The following SRRM3 variants were observed in gnomAD, a reference collection of about 807,000 sequenced individuals.
The protein encoded by SRRM3 is serine/arginine repetitive matrix 3.
In SRRM3, 27 loss-of-function variants were observed where a neutral mutation model predicts 66.2. The observed-to-expected ratio is 0.41, with a 90% CI of 0.30 to 0.56. The LOEUF (loss-of-function observed/expected upper bound fraction) is 0.56. SRRM3 is among the 20% of genes least tolerant of loss of function. The pLI is 0.32. For synonymous variants in SRRM3, 391 were observed against 414.9 expected (o/e 0.94, Z 0.70); for missense variants, 918 against 991.9 (o/e 0.93, Z 1.00).
At chr7:76,248,406 G>C in intron 3 of SRRM3, 117 bp downstream of exon 3, 1 of 686,084 alleles carries the variant, frequency 1.5e-6, no homozygotes, top group Admixed American at 2.5e-5. Flanking sequence ...TGAGGGGGTG[G>C]AGAGGAAGAA....
In SRRM3 at chr7:76,285,269, G is replaced by T; in HGVS notation, c.1734-346G>T. On this transcript the variant is annotated intron_variant, in intron 14 of 14. Transcript: ENST00000611745. The surrounding 1 kb of genome is among the most constrained non-coding windows in gnomAD (Gnocchi z 4.1). ...AGTAGAGACAGGGTTTCATTATGTT[G>T]GCCAGACTGGTCTCAAACTTCTGAC... 1 of 279,918 alleles carries T rather than the reference G, an allele frequency of 3.6e-6. No homozygotes were observed. The highest frequency in any genetic ancestry group is 6.9e-6 in the Non-Finnish European group (1 of 145,278). 17.3% of individuals were successfully genotyped at this position (279,918 alleles called of 1,614,324 possible).
chr7:76,273,909 C>T (rs1171918079), intron 11 of SRRM3, among the ~76,000 whole-genome samples: 2 of 152,194 alleles, frequency 1.3e-5, no homozygotes, highest in Non-Finnish European at 2.9e-5. Flanking sequence ...CTGACTTCCA[C>T]CCCTAAATCC....
intron 3 of SRRM3, among the ~76,000 whole-genome samples, chr7:76,252,033 C>A (rs899819324): frequency 1.3e-5 from 2 of 152,066 alleles, no homozygotes; most frequent in African/African-American, 4.8e-5. Flanking sequence ...ATCACGCAAC[C>A]ACACTACAGC....
In SRRM3 at chr7:76,275,589, G is replaced by T. The variant is rs530567706; in HGVS notation, c.1009-5852G>T. ...GTTGAAGCCCCATGAGGAAGAGGAG[G>T]GTCCGTCCTTGAGGAGTTTCTGATA... On this transcript the variant is annotated intron_variant, in intron 11 of 14. Transcript: ENST00000611745. Among the ~76,000 whole-genome samples the T allele has an allele frequency of 3.9e-5, 6 of 152,134 alleles. No homozygotes were observed. The South Asian group carries it at 1.2e-3, about 32-fold the overall frequency.
chr7:76,267,165 C>G, intron 10 of SRRM3, 93 bp from the exon 11 acceptor site: 4 of 1,219,420 alleles, frequency 3.3e-6, no homozygotes, highest in Non-Finnish European at 3.3e-6. Context: ...CTCTCTTTCC[C>G]CGTGCTGGGG....
chr7:76,273,859 T>C (rs1013010793), intron 11 of SRRM3, among the ~76,000 whole-genome samples: 3 of 152,184 alleles, frequency 2.0e-5, no homozygotes, highest in Admixed American at 2.0e-4. Flanking sequence ...TCTCCCCTCC[T>C]TCTTCACCTT....
intron 5 of SRRM3, 40 bp downstream of exon 5, chr7:76,260,237 G>A (rs782387452): frequency 5.4e-5 from 79 of 1,473,618 alleles, no homozygotes; most frequent in Non-Finnish European, 6.4e-5. Context: ...GGGAGGAGGA[G>A]GTGGGGTCTC....
chr7:76,221,357 C>CTATTTTTTT (rs1800712749), intron 1 of SRRM3, among the ~76,000 whole-genome samples: 1 of 117,806 alleles, frequency 8.5e-6, no homozygotes, highest in African/African-American at 4.3e-5. Flanking sequence ...GCCTGCCCTC[C>CTATTTTTTT]TCTTTTTTTT....
intron 10 of SRRM3, among the ~76,000 whole-genome samples, chr7:76,266,572 CATTTATATATTATATA>C (rs1280641849): frequency 1.9e-4 from 20 of 103,580 alleles, no homozygotes; most frequent in African/African-American, 7.7e-4. Context: ...AATATATAAA[CATTTATATATTATATA>C]TTTTATATAT....
Position 76,275,497 on chromosome 7 carries a change from C to CAAAAA in SRRM3, c.1009-5928_1009-5924dup, listed in dbSNP as rs35985626. Among the ~76,000 whole-genome samples the CAAAAA allele has an allele frequency of 5.3e-4, 37 of 70,456 alleles. 1 individual carries two copies. The highest frequency in any genetic ancestry group is 7.7e-4 in the Non-Finnish European group (25 of 32,480). The allele number at this position is 70,456 out of a possible 152,430, so 46.2% of individuals were successfully genotyped here. ...GAGCGAGACTCAGTCCCTGCTCCCT[C>CAAAAA]AAAAAAAAAAAAAAAAAAAAGAAAA... On this transcript the variant is annotated intron_variant, in intron 11 of 14. Transcript: ENST00000611745.
At chr7:76,257,151 T>C (rs1583915388) in intron 3 of SRRM3, among the ~76,000 whole-genome samples, 2 of 152,208 alleles carry the variant, frequency 1.3e-5, no homozygotes, top group Non-Finnish European at 2.9e-5. Context: ...CCTCATTTTA[T>C]ACAGCTCCTA....
intron 1 of SRRM3, among the ~76,000 whole-genome samples, chr7:76,205,985 T>TGG (rs143855473): frequency 1.3e-5 from 2 of 152,114 alleles, no homozygotes; most frequent in Admixed American, 6.6e-5. Flanking sequence ...CCTTCGTGGG[T>TGG]GGGGGGTCAT....
chr7:76,208,003 G>T (rs570798222), intron 1 of SRRM3, among the ~76,000 whole-genome samples: 1 of 152,318 alleles, frequency 6.6e-6, no homozygotes, highest in South Asian at 2.1e-4. Context: ...TCCCTCTTGG[G>T]TGGCACAGCT....
chr7:76,233,181 C>T (rs1386365774), intron 1 of SRRM3, among the ~76,000 whole-genome samples: 1 of 152,152 alleles, frequency 6.6e-6, no homozygotes, highest in African/African-American at 2.4e-5. Context: ...TATGGTGGCA[C>T]ATGCCTGTAG....
intron 1 of SRRM3, among the ~76,000 whole-genome samples, chr7:76,227,902 C>T (rs1008119121): frequency 2.3e-4 from 35 of 152,186 alleles, no homozygotes; most frequent in African/African-American, 7.5e-4. Context: ...CGAAATCTCA[C>T]TCTGTCACCC....
chr7:76,228,147 G>A (rs1380530466), intron 1 of SRRM3, among the ~76,000 whole-genome samples: 7 of 152,070 alleles, frequency 4.6e-5, no homozygotes, highest in Non-Finnish European at 7.4e-5. Flanking sequence ...TGGGATTACA[G>A]GTGCAAGCCA....
chr7:76,215,449 T>C (rs1375899569), intron 1 of SRRM3, among the ~76,000 whole-genome samples: 1 of 141,610 alleles, frequency 7.1e-6, no homozygotes, highest in Non-Finnish European at 1.5e-5. Context: ...TTGCCCAGAA[T>C]GGAGTGCAGT....
intron 14 of SRRM3, among the ~76,000 whole-genome samples, chr7:76,284,851 G>T (rs1554612524): frequency 6.6e-6 from 1 of 152,218 alleles, no homozygotes; most frequent in Non-Finnish European, 1.5e-5. Context: ...AGCTGAGTGA[G>T]GAGTGGGGCC....
chr7:76,233,012 A>G (rs1554604368), intron 1 of SRRM3, among the ~76,000 whole-genome samples: 1 of 151,878 alleles, frequency 6.6e-6, no homozygotes, highest in Admixed American at 6.6e-5. Flanking sequence ...TGTTGAGAAG[A>G]AGGGATGGGG....
Sources: gnomAD v4.1 joint callset for allele counts (sites outside exome capture counted in the v4.1 genomes callset) on GRCh38, gnomAD v4.1.1 for gene constraint, Gnocchi (gnomAD v3.1) non-coding constraint, MANE v1.5 for transcripts, NCBI Gene and HGNC (gene_info 2026-07-23, HGNC 2026-07-21) for gene names.